CUL2: variants seen among roughly 807,000 people sequenced by gnomAD.
The protein encoded by CUL2 is cullin 2.
Under a neutral mutation model 110.2 loss-of-function variants are expected in CUL2, and 22 were observed. The ratio of observed to expected loss-of-function variants is 0.20; its 90% CI spans 0.14 to 0.28. The LOEUF (loss-of-function observed/expected upper bound fraction) is 0.28. Ranked by LOEUF, CUL2 falls within the 10% of genes least tolerant of loss-of-function variation. The pLI, the probability that CUL2 is intolerant of heterozygous loss-of-function variation, is 1.00. For synonymous variants in CUL2, 279 were observed against 293.2 expected (o/e 0.95, Z 0.49); for missense variants, 631 against 905.5 (o/e 0.70, Z 3.89).
chr10:35,022,916 G>GT (rs2085238678), intron 17 of CUL2, among the ~76,000 whole-genome samples: 1 of 152,118 alleles, frequency 6.6e-6, no homozygotes, highest in South Asian at 2.1e-4. Flanking sequence ...GTGGTAGTGT[G>GT]TGCCTGTAAT....
chr10:35,059,377 A>T (rs2086325807), intron 4 of CUL2, among the ~76,000 whole-genome samples: 1 of 152,166 alleles, frequency 6.6e-6, no homozygotes, highest in Non-Finnish European at 1.5e-5. Flanking sequence ...CACCACCATG[A>T]TCAGTCAGCA....
intron 4 of CUL2, among the ~76,000 whole-genome samples, chr10:35,056,882 ATCAG>A (rs758664158): frequency 6.6e-6 from 1 of 152,168 alleles, no homozygotes; most frequent in Non-Finnish European, 1.5e-5. Context: ...GCCTGCTTTA[ATCAG>A]TCAGTCTTCC....
chr10:35,053,375 TAAAC>T (rs1313227708), intron 5 of CUL2, among the ~76,000 whole-genome samples: 1 of 152,248 alleles, frequency 6.6e-6, no homozygotes, highest in African/African-American at 2.4e-5. Flanking sequence ...AATTTTTTCA[TAAAC>T]AATGTCCCCT....
chr10:35,061,047 A>G, intron 3 of CUL2, 79 bp from the exon 4 acceptor site: 3 of 1,383,180 alleles, frequency 2.2e-6, no homozygotes, highest in Non-Finnish European at 2.9e-6. Context: ...ATCAAAATTA[A>G]TGTTCTAAAA....
At chr10:35,028,065 G>C (rs1434004977) in intron 16 of CUL2, among the ~76,000 whole-genome samples, 1 of 152,162 alleles carries the variant, frequency 6.6e-6, no homozygotes, top group East Asian at 1.9e-4. Context: ...CCAAGGCCAG[G>C]CATGGTGGCT....
chr10:35,103,461 A>C (rs2087414656), intron 1 of CUL2, among the ~76,000 whole-genome samples: 1 of 151,418 alleles, frequency 6.6e-6, no homozygotes, highest in Non-Finnish European at 1.5e-5. Context: ...AGTAGCTGGG[A>C]CTACAGGCGC....
intron 1 of CUL2, among the ~76,000 whole-genome samples, chr10:35,087,216 T>C (rs2087086324): frequency 6.6e-6 from 1 of 152,208 alleles, no homozygotes; most frequent in African/African-American, 2.4e-5. Context: ...CACGCCTGGC[T>C]AATGTTTTTT....
intron 8 of CUL2, among the ~76,000 whole-genome samples, chr10:35,039,590 C>A (rs1314431468): frequency 6.6e-6 from 1 of 152,212 alleles, no homozygotes; most frequent in African/African-American, 2.4e-5. Context: ...AGGGGCTGGA[C>A]ATGGTGGCTC....
chr10:35,009,991 TA>T lies in CUL2; in HGVS notation c.*319del, dbSNP rs147061473. The T allele has an allele frequency of 0.067, 9,324 of 138,198 alleles. 709 individuals carry two copies. Among genetic ancestry groups the T allele is most frequent in the African/African-American group, 0.2 (7,518 of 37,536 alleles). The allele number at this position is 138,198 out of a possible 1,614,324, so 8.6% of individuals were successfully genotyped here. ...AAATTTTATGTCCTTTAAGATACAT[TA>T]AAAAAAAAAAAAAAGACACATCAAC... On this transcript the variant is annotated 3_prime_UTR_variant, in exon 21 of 21. Coordinates refer to ENST00000374749, the MANE Select transcript of CUL2 (RefSeq NM_003591.4).
chr10:35,020,514 C>T (rs557421259), intron 17 of CUL2, among the ~76,000 whole-genome samples: 1 of 152,178 alleles, frequency 6.6e-6, no homozygotes, highest in Non-Finnish European at 1.5e-5. Flanking sequence ...TTCTGGCAAA[C>T]ACTAGTAACT....
intron 1 of CUL2, among the ~76,000 whole-genome samples, chr10:35,105,778 A>G (rs1282761234): frequency 6.6e-6 from 1 of 151,974 alleles, no homozygotes; most frequent in Non-Finnish European, 1.5e-5. Context: ...GTTCAACAGA[A>G]GCTTTACTAA....
intron 1 of CUL2, among the ~76,000 whole-genome samples, chr10:35,123,178 C>CAAAAA (rs1263722285): frequency 1.3e-5 from 2 of 151,842 alleles, no homozygotes; most frequent in African/African-American, 2.4e-5. Flanking sequence ...CAAAACAAAA[C>CAAAAA]AAAGGACTTC....
Position 35,054,499 on chromosome 10 carries a change from C to G in CUL2, c.358G>C (p.Glu120Gln). The G allele has an allele frequency of 6.3e-7, 1 of 1,595,896 alleles. No individual in the cohort carries two copies. The highest frequency in any genetic ancestry group is 8.5e-7 in the Non-Finnish European group (1 of 1,172,102). ...CCATAGCCATACTGAAGGTCCGCTT[C>G]TGTTAATTTATTCTTTTTAATAAAC... ...TQFIKKNKLT[E>Q]ADLQYGYGGV... Residue 120 changes from glutamate to glutamine, a missense_variant, in exon 5 of 21, where the codon GAA (glutamate) becomes CAA (glutamine). Transcript: ENST00000374749.
intron 1 of CUL2, chr10:35,073,940 C>T: frequency 1.5e-6 from 1 of 675,160 alleles, no homozygotes; most frequent in Non-Finnish European, 2.7e-6. Flanking sequence ...AAAACTGAGT[C>T]ACAAGTGATT....
intron 14 of CUL2, among the ~76,000 whole-genome samples, chr10:35,030,108 C>G (rs1025319293): frequency 1.3e-5 from 2 of 152,216 alleles, no homozygotes; most frequent in East Asian, 3.9e-4. Context: ...CTATCTCACT[C>G]TCCCAGTAGC....
intron 1 of CUL2, among the ~76,000 whole-genome samples, chr10:35,108,435 C>T (rs1006298950): frequency 3.5e-5 from 5 of 143,198 alleles, no homozygotes; most frequent in Non-Finnish European, 6.0e-5. Context: ...CTAGCCTGGG[C>T]GACAGTTAGA....
At chr10:35,066,679 T>C (rs1337038145) in intron 2 of CUL2, among the ~76,000 whole-genome samples, 1 of 152,208 alleles carries the variant, frequency 6.6e-6, no homozygotes, top group Non-Finnish European at 1.5e-5. Flanking sequence ...GGATAAAAAA[T>C]GACTAATTAA....
chr10:35,123,894 T>C (rs1247489580), intron 1 of CUL2, among the ~76,000 whole-genome samples: 2 of 152,166 alleles, frequency 1.3e-5, no homozygotes, highest in Non-Finnish European at 2.9e-5. Flanking sequence ...TATGATTAGA[T>C]AACTAAAGAA....
At chr10:35,105,460 C>T (rs192379067) in intron 1 of CUL2, among the ~76,000 whole-genome samples, 80 of 149,808 alleles carry the variant, frequency 5.3e-4, no homozygotes, top group Non-Finnish European at 1.0e-3. Context: ...GTAATTGGGC[C>T]GGGTGCGGTG....
Sources: gnomAD v4.1 joint callset for allele counts (sites outside exome capture counted in the v4.1 genomes callset) on GRCh38, gnomAD v4.1.1 for gene constraint, MANE v1.5 for transcripts, NCBI Gene and HGNC (gene_info 2026-07-23, HGNC 2026-07-21) for gene names.